ANO2: variants seen among roughly 807,000 people sequenced by gnomAD.
ANO2 encodes anoctamin 2.
ANO2 carries 101 observed loss-of-function variants against 124.2 expected under a neutral mutation model. The ratio of observed to expected loss-of-function variants is 0.81; its 90% CI spans 0.69 to 0.96. The LOEUF is 0.96. Among genes scored for constraint, ANO2 ranks in the 40% least tolerant of loss-of-function variants. The pLI, the probability that ANO2 is intolerant of heterozygous loss-of-function variation, is 0.00. For missense variants in ANO2, 1,293 were observed against 1,274.5 expected, an observed-to-expected ratio of 1.01 and a Z score of -0.22; for synonymous variants, 486 against 482.5, an observed-to-expected ratio of 1.01 and a Z score of -0.09.
At chr12:5,659,495 G>T (rs1947337336) in intron 14 of ANO2, among the ~76,000 whole-genome samples, 1 of 152,218 alleles carries the variant, frequency 6.6e-6, no homozygotes, top group African/African-American at 2.4e-5. Flanking sequence ...TTCAGGGACA[G>T]GGCCTCAGTC....
chr12:5,670,861 C>A (rs1444994915), intron 14 of ANO2, among the ~76,000 whole-genome samples: 4 of 152,184 alleles, frequency 2.6e-5, no homozygotes, highest in African/African-American at 9.7e-5. Context: ...TTTAAACAAT[C>A]CTCTCAACAA....
intron 14 of ANO2, among the ~76,000 whole-genome samples, chr12:5,677,342 G>T (rs1304130452): frequency 2.0e-5 from 3 of 152,114 alleles, no homozygotes; most frequent in Non-Finnish European, 4.4e-5. Context: ...AAATTATTCT[G>T]TCCCTAAAAT....
At chr12:5,707,064 G>T (rs190495376) in intron 14 of ANO2, among the ~76,000 whole-genome samples, 1 of 152,126 alleles carries the variant, frequency 6.6e-6, no homozygotes. Flanking sequence ...AATCTCATTC[G>T]AATTGTAATC....
intron 4 of ANO2, among the ~76,000 whole-genome samples, chr12:5,834,296 T>G (rs1000252332): frequency 1.3e-5 from 2 of 152,222 alleles, no homozygotes; most frequent in Admixed American, 1.3e-4. Context: ...TGACTCAAAA[T>G]CCTATTTCCT....
At chr12:5,621,176 A>C (rs907898644) in intron 16 of ANO2, among the ~76,000 whole-genome samples, 2 of 152,118 alleles carry the variant, frequency 1.3e-5, no homozygotes, top group Non-Finnish European at 2.9e-5. Flanking sequence ...CCACCCCCGC[A>C]TACAGTTTGG....
At chr12:5,788,849 A>C (rs1242361099) in intron 10 of ANO2, among the ~76,000 whole-genome samples, 3 of 152,218 alleles carry the variant, frequency 2.0e-5, no homozygotes, top group African/African-American at 7.2e-5. Flanking sequence ...GTGAGCCACC[A>C]TGCCCAGCCT....
At chr12:5,839,559 G>A (rs1257002036) in intron 4 of ANO2, 1 of 455,922 alleles carries the variant, frequency 2.2e-6, no homozygotes, top group Non-Finnish European at 4.4e-6. Flanking sequence ...AACATTTAAT[G>A]AAAAAGAAAC....
At chr12:5,932,858 G>C (rs1358915431) in intron 1 of ANO2, among the ~76,000 whole-genome samples, 1 of 152,312 alleles carries the variant, frequency 6.6e-6, no homozygotes, top group East Asian at 1.9e-4. Context: ...AGAGCTGTCA[G>C]GGAGGCTCCC....
chr12:5,766,186 G>A (rs181472712), intron 10 of ANO2, among the ~76,000 whole-genome samples: 1 of 152,138 alleles, frequency 6.6e-6, no homozygotes, highest in Non-Finnish European at 1.5e-5. Flanking sequence ...GTATGACCCA[G>A]CAACTCTACT....
chr12:5,566,843 T>A (rs939156166), intron 23 of ANO2, among the ~76,000 whole-genome samples: 1 of 152,136 alleles, frequency 6.6e-6, no homozygotes, highest in Non-Finnish European at 1.5e-5. Context: ...TAGGCTTTCT[T>A]CCCATTATCA....
At chr12:5,932,785 G>A (rs1942471882) in intron 1 of ANO2, among the ~76,000 whole-genome samples, 1 of 152,230 alleles carries the variant, frequency 6.6e-6, no homozygotes, top group Admixed American at 6.5e-5. Context: ...TCCAGAATGG[G>A]AGGAGAGTCA....
intron 14 of ANO2, among the ~76,000 whole-genome samples, chr12:5,697,747 C>A (rs1427109048): frequency 6.6e-6 from 1 of 152,224 alleles, no homozygotes; most frequent in East Asian, 1.9e-4. Context: ...AATCGGGTCA[C>A]TCTCACCCTA....
intron 10 of ANO2, 81 bp downstream of exon 10, chr12:5,799,426 G>A (rs1418108822): frequency 8.3e-7 from 1 of 1,204,022 alleles, no homozygotes; most frequent in Non-Finnish European, 1.2e-6. Context: ...GCAAAGGACT[G>A]TCAGAGTCAA....
intron 8 of ANO2, among the ~76,000 whole-genome samples, 186 bp downstream of exon 8, chr12:5,807,127 T>A (rs71579293): frequency 0.038 from 5,851 of 152,274 alleles, 160 homozygotes; most frequent in African/African-American, 0.07. Flanking sequence ...TTTGAGATGA[T>A]TGGCAAAAAT....
chr12:5,671,992 C>T (rs61908099), intron 14 of ANO2, among the ~76,000 whole-genome samples: 2 of 152,310 alleles, frequency 1.3e-5, no homozygotes, highest in African/African-American at 4.8e-5. Flanking sequence ...CCTGTGGTGT[C>T]ACACGCCACA....
intron 3 of ANO2, among the ~76,000 whole-genome samples, chr12:5,865,351 C>T (rs950413756): frequency 7.2e-4 from 105 of 146,230 alleles, no homozygotes; most frequent in African/African-American, 2.5e-3. Flanking sequence ...ACCATCATGC[C>T]ATGACACCAT....
intron 3 of ANO2, among the ~76,000 whole-genome samples, chr12:5,917,011 G>A: frequency 6.6e-6 from 1 of 152,196 alleles, no homozygotes; most frequent in East Asian, 1.9e-4. Context: ...CGCTGGGGGA[G>A]GCTGTGTCAC....
chr12:5,599,981 A>G (rs1196303466), intron 19 of ANO2, among the ~76,000 whole-genome samples: 1 of 152,192 alleles, frequency 6.6e-6, no homozygotes, highest in Non-Finnish European at 1.5e-5. Flanking sequence ...CACCCTCTTC[A>G]TGGGGGAACA....
intron 14 of ANO2, among the ~76,000 whole-genome samples, chr12:5,693,230 C>T (rs920841220): frequency 2.6e-5 from 4 of 152,174 alleles, no homozygotes; most frequent in African/African-American, 7.2e-5. Context: ...CATGGATATG[C>T]AGCAGCTGTC....
Sources: allele counts gnomAD v4.1 joint callset (sites outside exome capture counted in the v4.1 genomes callset), GRCh38; gene constraint gnomAD v4.1.1; transcripts MANE v1.5; gene names NCBI Gene and HGNC (gene_info 2026-07-23, HGNC 2026-07-21).